The following SHROOM3 variants were observed in gnomAD, a reference collection of about 807,000 sequenced individuals.
SHROOM3 encodes the protein shroom family member 3, also known as protein Shroom3.
A neutral mutation model predicts 138.6 loss-of-function variants in SHROOM3; 47 were observed. That is an observed-to-expected ratio of 0.34 (90% CI 0.27 to 0.43). The LOEUF is 0.43. SHROOM3 is among the 20% of genes least tolerant of loss of function. The pLI, the probability that SHROOM3 is intolerant of heterozygous loss-of-function variation, is 1.00. For synonymous variants in SHROOM3, 1,062 were observed against 1,063.3 expected, an observed-to-expected ratio of 1.00 and a Z score of 0.02; for missense variants, 2,491 against 2,596.5, an observed-to-expected ratio of 0.96 and a Z score of 0.88.
intron 1 of SHROOM3, among the ~76,000 whole-genome samples, chr4:76,512,058 CCT>C (rs966681419): frequency 1.3e-5 from 2 of 152,220 alleles, no homozygotes; most frequent in South Asian, 2.1e-4. Context: ...ATAGAAAGAT[CCT>C]CTTTCTTCAG....
chr4:76,454,216 G>C (rs1293962293), intron 1 of SHROOM3, among the ~76,000 whole-genome samples: 1 of 152,074 alleles, frequency 6.6e-6, no homozygotes. Flanking sequence ...ACTAATTTTT[G>C]TATTTTTAGT....
intron 2 of SHROOM3, among the ~76,000 whole-genome samples, chr4:76,642,714 T>C (rs746043154): frequency 1.3e-5 from 2 of 151,872 alleles, no homozygotes; most frequent in Non-Finnish European, 2.9e-5. Context: ...ATCTAGGTAA[T>C]AGGTTAGAGC....
At chr4:76,768,498 G>A (rs745896991) in intron 9 of SHROOM3, among the ~76,000 whole-genome samples, 52 of 152,244 alleles carry the variant, frequency 3.4e-4, no homozygotes, top group Non-Finnish European at 6.5e-4. Flanking sequence ...ATTATAACCT[G>A]TGATGAGATG....
chr4:76,501,856 A>G, intron 1 of SHROOM3, among the ~76,000 whole-genome samples: 1 of 152,122 alleles, frequency 6.6e-6, no homozygotes, highest in East Asian at 1.9e-4. Context: ...CGCCCTATGT[A>G]TCTTTTCATC....
intron 2 of SHROOM3, among the ~76,000 whole-genome samples, chr4:76,695,101 G>C (rs1189197533): frequency 6.6e-6 from 1 of 152,202 alleles, no homozygotes; most frequent in East Asian, 1.9e-4. Flanking sequence ...GGTGGTGGGG[G>C]ATGGTTGACT....
At chr4:76,635,934 T>C (rs933725565) in intron 2 of SHROOM3, among the ~76,000 whole-genome samples, 9 of 152,256 alleles carry the variant, frequency 5.9e-5, no homozygotes, top group African/African-American at 1.9e-4. Context: ...CTGAAATCTG[T>C]GGGCATTAGC....
intron 2 of SHROOM3, among the ~76,000 whole-genome samples, chr4:76,568,100 G>A (rs961168591): frequency 6.6e-6 from 1 of 151,898 alleles, no homozygotes; most frequent in Non-Finnish European, 1.5e-5. Context: ...TAAGTTCTTC[G>A]ATGGCAGGGA....
intron 6 of SHROOM3, among the ~76,000 whole-genome samples, chr4:76,750,811 TAA>T (rs3045224): frequency 7.3e-6 from 1 of 136,354 alleles, no homozygotes; most frequent in Non-Finnish European, 1.6e-5. Context: ...GTTCTGTGTT[TAA>T]AAAAAAAAAA....
At chr4:76,551,388 G>T (rs777538997) in intron 1 of SHROOM3, among the ~76,000 whole-genome samples, 2 of 152,068 alleles carry the variant, frequency 1.3e-5, no homozygotes, top group Non-Finnish European at 2.9e-5. Flanking sequence ...GAAATTGATT[G>T]TTTCCTAGGT....
chr4:76,455,857 A>G (rs947788044), intron 1 of SHROOM3, among the ~76,000 whole-genome samples: 4 of 152,170 alleles, frequency 2.6e-5, no homozygotes, highest in Admixed American at 6.6e-5. Context: ...GTGCATCCCC[A>G]GCAACTGTAG....
intron 1 of SHROOM3, among the ~76,000 whole-genome samples, chr4:76,506,012 G>A (rs568968963): frequency 1.3e-5 from 2 of 152,076 alleles, no homozygotes; most frequent in East Asian, 3.9e-4. Flanking sequence ...AAAAAAATGT[G>A]GCACATATAC....
At chr4:76,747,454 T>C (rs1300369278) in intron 5 of SHROOM3, among the ~76,000 whole-genome samples, 1 of 152,226 alleles carries the variant, frequency 6.6e-6, no homozygotes, top group Admixed American at 6.5e-5. Flanking sequence ...CTCAATAGTT[T>C]ATTACTGGGT....
chr4:76,657,640 G>A (rs1054869620), intron 2 of SHROOM3, among the ~76,000 whole-genome samples: 2 of 152,164 alleles, frequency 1.3e-5, no homozygotes, highest in African/African-American at 4.8e-5. Context: ...GGGGTGGGGG[G>A]GTCCCCTTGG....
At chr4:76,745,730 C>A (rs1721412433) in intron 5 of SHROOM3, among the ~76,000 whole-genome samples, 1 of 152,170 alleles carries the variant, frequency 6.6e-6, no homozygotes, top group Non-Finnish European at 1.5e-5. Context: ...CCTGTAATCC[C>A]AGCACCTTGG....
intron 6 of SHROOM3, 85 bp from the exon 7 acceptor site, chr4:76,754,226 T>A (rs897028312): frequency 7.7e-6 from 12 of 1,558,890 alleles, no homozygotes; most frequent in Non-Finnish European, 1.1e-5. Flanking sequence ...TCTTAAATGC[T>A]TTTCTCATCT....
intron 2 of SHROOM3, among the ~76,000 whole-genome samples, chr4:76,680,327 C>T (rs1719155705): frequency 6.6e-6 from 1 of 151,964 alleles, no homozygotes; most frequent in Non-Finnish European, 1.5e-5. Flanking sequence ...TTTTAGTAGA[C>T]ACGGGGTTTC....
At chr4:76,670,288 A>G (rs1316621520) in intron 2 of SHROOM3, among the ~76,000 whole-genome samples, 1 of 152,246 alleles carries the variant, frequency 6.6e-6, no homozygotes, top group African/African-American at 2.4e-5. Context: ...GAAACATGCT[A>G]CAACACAGAC....
intron 2 of SHROOM3, among the ~76,000 whole-genome samples, chr4:76,594,686 C>G (rs542145562): frequency 6.6e-6 from 1 of 152,260 alleles, no homozygotes; most frequent in African/African-American, 2.4e-5. Context: ...CAGACTAACA[C>G]CTGCTATGTG....
At chr4:76,705,096 C>G (rs917277168) in intron 2 of SHROOM3, among the ~76,000 whole-genome samples, 1 of 152,142 alleles carries the variant, frequency 6.6e-6, no homozygotes, top group South Asian at 2.1e-4. Context: ...CAAGAGAGCC[C>G]TAAGGAACTG....
Sources: allele counts gnomAD v4.1 joint callset (sites outside exome capture counted in the v4.1 genomes callset), GRCh38; gene constraint gnomAD v4.1.1; transcripts MANE v1.5; gene names NCBI Gene and HGNC (gene_info 2026-07-23, HGNC 2026-07-21).